Variants in RHAG observed in about 807,000 individuals in gnomAD.
RHAG encodes the protein ammonium transporter Rh type A.
In RHAG, 25 loss-of-function variants were observed where a neutral mutation model predicts 42.4. The ratio of observed to expected loss-of-function variants is 0.59; its 90% confidence interval spans 0.43 to 0.82. RHAG has a LOEUF of 0.82. Ranked by LOEUF, RHAG falls within the 40% of genes least tolerant of loss-of-function variation. The probability of loss-of-function intolerance (pLI) is 0.00; values close to 1 mark genes in which losing one functional copy is unlikely to be tolerated. For missense variants in RHAG, 483 were observed against 504.6 expected, an observed-to-expected ratio of 0.96 and a Z score of 0.41; for synonymous variants, 182 against 177.7, an observed-to-expected ratio of 1.02 and a Z score of -0.19.
intron 1 of RHAG, among the ~76,000 whole-genome samples, chr6:49,633,363 T>C (rs1405319011): frequency 5.9e-5 from 9 of 152,158 alleles, no homozygotes; most frequent in Non-Finnish European, 8.8e-5. Flanking sequence ...TTTCTATTAA[T>C]GAATATTAAC....
chr6:49,630,716 G>A (rs769620132), intron 1 of RHAG, among the ~76,000 whole-genome samples: 2 of 152,180 alleles, frequency 1.3e-5, no homozygotes, highest in Non-Finnish European at 2.9e-5. Flanking sequence ...GTTTGTGTGT[G>A]TGTGTACATC....
intron 1 of RHAG, among the ~76,000 whole-genome samples, chr6:49,629,647 G>A (rs1313955005): frequency 6.6e-6 from 1 of 152,132 alleles, no homozygotes; most frequent in Non-Finnish European, 1.5e-5. Flanking sequence ...CATGGAGGGG[G>A]TGGGGGGCTC....
chr6:49,618,061 C>T lies in RHAG; in HGVS notation c.492+7G>A, dbSNP rs1421728405. On this transcript the variant is annotated splice_region_variant and intron_variant, in intron 3 of 9. Transcript: ENST00000371175. ...AGCTAGGAAAGTATAAATTTTCTAA[C>T]TCTTACCTTAAATATTTCACTAACC... The T allele has an allele frequency of 6.2e-7, 1 of 1,613,276 alleles. No individual in the cohort carries two copies. Among genetic ancestry groups the T allele is most frequent in the Admixed American group, 1.7e-5 (1 of 60,002 alleles).
chr6:49,617,699 C>T (rs1051941965), intron 3 of RHAG, among the ~76,000 whole-genome samples: 1 of 151,952 alleles, frequency 6.6e-6, no homozygotes, highest in African/African-American at 2.4e-5. Context: ...GGCTATTCAC[C>T]TAGTAGTAAA....
At chr6:49,627,749 A>G (rs1762863875) in intron 1 of RHAG, among the ~76,000 whole-genome samples, 1 of 152,184 alleles carries the variant, frequency 6.6e-6, no homozygotes, top group African/African-American at 2.4e-5. Context: ...CATGTCTTAC[A>G]TAGTGGCAGG....
At chr6:49,636,058 A>G (rs1763005650) in intron 1 of RHAG, among the ~76,000 whole-genome samples, 1 of 152,090 alleles carries the variant, frequency 6.6e-6, no homozygotes, top group Non-Finnish European at 1.5e-5. Context: ...CTCAATCATC[A>G]TTCCCAAGGA....
intron 1 of RHAG, among the ~76,000 whole-genome samples, chr6:49,635,292 T>C (rs986304669): frequency 3.3e-5 from 5 of 152,014 alleles, no homozygotes; most frequent in Non-Finnish European, 5.9e-5. Flanking sequence ...TTAAGATAAC[T>C]TTATTTAAAT....
chr6:49,605,732 G>C lies in RHAG; in HGVS notation c.*81C>G. ...GACTTGATTCTGGATAATGGGAAAG[G>C]AAGCTGGAGAGCAGGAATGGTGTTT... On this transcript the variant is annotated 3_prime_UTR_variant, in exon 10 of 10. Transcript: ENST00000371175. 7.9e-7 allele frequency: 1 copy of C among 1,260,800 alleles called. No individual in the cohort carries two copies. The highest frequency in any genetic ancestry group is 1.2e-6 in the Non-Finnish European group (1 of 857,560). 78.1% of individuals were successfully genotyped at this position (1,260,800 alleles called of 1,614,324 possible). A position where few individuals can be genotyped will look rare whatever the true frequency, so the allele number is the denominator to read the frequency against.
intron 9 of RHAG, 134 bp downstream of exon 9, chr6:49,606,714 G>A (rs1433624614): frequency 1.4e-6 from 1 of 726,234 alleles, no homozygotes; most frequent in Non-Finnish European, 2.5e-6. Context: ...GAGATTACAT[G>A]TGTGAGCTAC....
At chr6:49,635,931 G>T (rs1763004154) in intron 1 of RHAG, among the ~76,000 whole-genome samples, 1 of 151,956 alleles carries the variant, frequency 6.6e-6, no homozygotes. Context: ...CTTCCTTCCT[G>T]GCTAATGAGG....
At chr6:49,624,350 C>A (rs1050091692) in intron 1 of RHAG, among the ~76,000 whole-genome samples, 20 of 152,232 alleles carry the variant, frequency 1.3e-4, no homozygotes, top group African/African-American at 4.6e-4. Flanking sequence ...GGACTACAGG[C>A]GTGTGCCACC....
intron 9 of RHAG, 67 bp from the exon 10 acceptor site, chr6:49,605,897 G>T: frequency 7.8e-7 from 1 of 1,275,458 alleles, no homozygotes. Flanking sequence ...AATTAGTATT[G>T]AAACAAAAAT....
chr6:49,607,248 T>G, intron 7 of RHAG, 28 bp from the exon 8 acceptor site: 2 of 1,587,384 alleles, frequency 1.3e-6, no homozygotes, highest in Non-Finnish European at 1.7e-6. Flanking sequence ...AAAGAATCAG[T>G]GTCTTTCCTG....
At chr6:49,616,067 C>T (rs1040517438) in intron 3 of RHAG, among the ~76,000 whole-genome samples, 3 of 152,124 alleles carry the variant, frequency 2.0e-5, no homozygotes, top group African/African-American at 7.2e-5. Flanking sequence ...GGAAATATTA[C>T]CCACTCTCAA....
chr6:49,618,002 C>T, intron 3 of RHAG, 66 bp downstream of exon 3: 3 of 1,428,998 alleles, frequency 2.1e-6, no homozygotes, highest in Non-Finnish European at 2.9e-6. Flanking sequence ...CCGTAGACAC[C>T]CATTGTTTTT....
chr6:49,632,969 AG>A (rs1464512381), intron 1 of RHAG, among the ~76,000 whole-genome samples: 3 of 152,236 alleles, frequency 2.0e-5, no homozygotes, highest in African/African-American at 7.2e-5. Flanking sequence ...TTATCAAGTG[AG>A]TATCTCAGGG....
At position 49,636,725 on chromosome 6, in the gene RHAG, G is replaced by A; in HGVS notation, c.88C>T (p.Gln30Ter). ...FGLFVEYETD[Q>*]TVLEQLNITK... ...ATGTTGAGCTGCTCGAGAACAGTCT[G>A]GTCCGTTTCATACTCAACAAATAAT... The change falls in exon 1 of 10, where the codon CAG becomes TAG. Residue 30 changes from glutamine to a stop codon, truncating the protein, a stop_gained. Coordinates refer to ENST00000371175, the MANE Select transcript of RHAG (RefSeq NM_000324.3). LOFTEE classifies it high-confidence loss of function. 1 of 1,613,928 alleles carries A rather than the reference G, an allele frequency of 6.2e-7. No homozygotes were observed. The highest frequency in any genetic ancestry group is 8.5e-7 in the Non-Finnish European group (1 of 1,179,868).
At chr6:49,613,069 A>ATTTT (rs562332720) in intron 5 of RHAG, among the ~76,000 whole-genome samples, 51 of 137,666 alleles carry the variant, frequency 3.7e-4, no homozygotes, top group African/African-American at 1.3e-3. Context: ...AGAGGAACTG[A>ATTTT]TTTTTTTTTT....
chr6:49,617,387 G>A (rs1762673300), intron 3 of RHAG, among the ~76,000 whole-genome samples: 1 of 152,220 alleles, frequency 6.6e-6, no homozygotes, highest in Non-Finnish European at 1.5e-5. Flanking sequence ...TTGTGTCTTT[G>A]GGTGGGTGGA....
Sources: allele counts gnomAD v4.1 joint callset (sites outside exome capture counted in the v4.1 genomes callset), GRCh38; gene constraint gnomAD v4.1.1; transcripts MANE v1.5; gene names NCBI Gene and HGNC (gene_info 2026-07-23, HGNC 2026-07-21).